Variants in SNTG1 observed in about 807,000 individuals in gnomAD.
SNTG1 encodes the protein gamma-1-syntrophin.
A neutral mutation model predicts 74.7 loss-of-function variants in SNTG1; 39 were observed. The ratio of observed to expected loss-of-function variants is 0.52; its 90% CI spans 0.40 to 0.68. The LOEUF (loss-of-function observed/expected upper bound fraction) is 0.68, where lower values mean the gene tolerates loss of function less well. SNTG1 is among the 30% of genes least tolerant of loss of function. The pLI is 0.00. For synonymous variants in SNTG1, 254 were observed against 217.1 expected, an observed-to-expected ratio of 1.17 and a Z score of -1.49; for missense variants, 685 against 609.5, an observed-to-expected ratio of 1.12 and a Z score of -1.30.
At chr8:50,482,340 C>T (rs1380699824) in intron 8 of SNTG1, among the ~76,000 whole-genome samples, 1 of 152,222 alleles carries the variant, frequency 6.6e-6, no homozygotes, top group Non-Finnish European at 1.5e-5. Flanking sequence ...GCATGTGGGG[C>T]TTCCTTTCTA....
intron 15 of SNTG1, among the ~76,000 whole-genome samples, chr8:50,681,518 C>T (rs1246055859): frequency 3.3e-5 from 5 of 152,034 alleles, no homozygotes; most frequent in African/African-American, 1.2e-4. Flanking sequence ...AGTTCTTATA[C>T]ATAATACATA....
chr8:50,101,641 C>T (rs950785704), intron 1 of SNTG1, among the ~76,000 whole-genome samples: 6 of 151,972 alleles, frequency 3.9e-5, no homozygotes, highest in South Asian at 4.2e-4. Flanking sequence ...ATGTGCCATG[C>T]TGGTGTGCTG....
chr8:49,982,000 G>T (rs1222126537), intron 1 of SNTG1, among the ~76,000 whole-genome samples: 1 of 151,780 alleles, frequency 6.6e-6, no homozygotes, highest in Non-Finnish European at 1.5e-5. Flanking sequence ...ATAACTAATA[G>T]ATAATAAAAT....
At chr8:50,367,597 A>G (rs113931327) in intron 2 of SNTG1, among the ~76,000 whole-genome samples, 1 of 152,192 alleles carries the variant, frequency 6.6e-6, no homozygotes, top group African/African-American at 2.4e-5. Flanking sequence ...ACAACTGATT[A>G]TACTAATGTA....
intron 2 of SNTG1, among the ~76,000 whole-genome samples, chr8:50,247,266 G>T (rs2086443007): frequency 6.6e-6 from 1 of 152,014 alleles, no homozygotes; most frequent in African/African-American, 2.4e-5. Flanking sequence ...TTTCTTTGGG[G>T]CATTGTCCCC....
intron 2 of SNTG1, among the ~76,000 whole-genome samples, chr8:50,321,999 T>G (rs2090551254): frequency 6.6e-6 from 1 of 152,180 alleles, no homozygotes; most frequent in Non-Finnish European, 1.5e-5. Context: ...TAATATTCTT[T>G]ATTTTCTGTG....
chr8:50,101,559 T>C (rs902860207), intron 1 of SNTG1, among the ~76,000 whole-genome samples: 1 of 152,000 alleles, frequency 6.6e-6, no homozygotes, highest in African/African-American at 2.4e-5. Context: ...TATTTTATTT[T>C]ATTTTATTAT....
At chr8:49,997,986 A>T (rs1563449796) in intron 1 of SNTG1, among the ~76,000 whole-genome samples, 1 of 152,162 alleles carries the variant, frequency 6.6e-6, no homozygotes, top group Non-Finnish European at 1.5e-5. Context: ...ATAATAGAGG[A>T]TACTTATACA....
rs147865966 is a variant in SNTG1, at chr8:50,196,146, T to G, written c.-28+23511T>G. ...TGGAATTGTCCCAGGAAATCACTGT[T>G]GTATAAAGTCTAATGATTCTCTATC... On this transcript the variant is annotated intron_variant, in intron 2 of 18. Coordinates refer to ENST00000642720, the MANE Select transcript of SNTG1 (RefSeq NM_018967.5). Among the ~76,000 whole-genome samples, 583 of 152,314 alleles carry G rather than the reference T, an allele frequency of 3.8e-3. 6 individuals are homozygous for G. Among genetic ancestry groups the G allele is most frequent in the African/African-American group, 0.013 (553 of 41,558 alleles).
At chr8:50,463,349 G>A (rs181176356) in intron 8 of SNTG1, among the ~76,000 whole-genome samples, 9 of 152,140 alleles carry the variant, frequency 5.9e-5, no homozygotes, top group Admixed American at 2.0e-4. Flanking sequence ...CAGATCCCTC[G>A]TAGGAATCAC....
At chr8:50,699,836 A>G (rs1455128755) in intron 15 of SNTG1, among the ~76,000 whole-genome samples, 1 of 150,438 alleles carries the variant, frequency 6.6e-6, no homozygotes, top group Non-Finnish European at 1.5e-5. Flanking sequence ...ATTTTATTGA[A>G]TCAATACTGA....
intron 17 of SNTG1, among the ~76,000 whole-genome samples, chr8:50,720,569 A>G (rs1445696939): frequency 6.6e-6 from 1 of 152,214 alleles, no homozygotes; most frequent in Non-Finnish European, 1.5e-5. Context: ...AAGTCTAAGC[A>G]TTATGAGGGC....
At chr8:50,099,913 T>A (rs2080061450) in intron 1 of SNTG1, among the ~76,000 whole-genome samples, 3 of 152,130 alleles carry the variant, frequency 2.0e-5, no homozygotes, top group Admixed American at 6.6e-5. Context: ...TTGCAAATAT[T>A]TTCTCCCATT....
At chr8:50,003,414 C>T (rs965754523) in intron 1 of SNTG1, among the ~76,000 whole-genome samples, 1 of 152,108 alleles carries the variant, frequency 6.6e-6, no homozygotes, top group African/African-American at 2.4e-5. Context: ...AAAACAGATG[C>T]TTTAGAAAAA....
chr8:50,653,203 A>G (rs1032139287), intron 13 of SNTG1, among the ~76,000 whole-genome samples: 2 of 151,992 alleles, frequency 1.3e-5, no homozygotes, highest in Non-Finnish European at 2.9e-5. Context: ...CAGCACTTTA[A>G]AAGTCCTAGA....
At chr8:50,496,981 G>GAA (rs34727478) in intron 8 of SNTG1, among the ~76,000 whole-genome samples, 90,398 of 147,076 alleles carry the variant, frequency 0.61, 30,114 homozygotes, top group East Asian at 0.76. Flanking sequence ...AAGAAAAATT[G>GAA]AAAAAAAAAA....
chr8:50,429,940 C>A (rs2131515930), intron 4 of SNTG1, among the ~76,000 whole-genome samples: 1 of 152,102 alleles, frequency 6.6e-6, no homozygotes, highest in East Asian at 1.9e-4. Context: ...TGGCTATAAT[C>A]ACAAAGATAG....
intron 2 of SNTG1, among the ~76,000 whole-genome samples, chr8:50,320,408 CAT>C (rs985040159): frequency 6.6e-5 from 10 of 151,752 alleles, no homozygotes; most frequent in South Asian, 2.1e-4. Context: ...CTCTTTTTTT[CAT>C]AGTTAGTCTG....
intron 2 of SNTG1, among the ~76,000 whole-genome samples, chr8:50,198,195 G>GA (rs1261671104): frequency 6.6e-6 from 1 of 152,092 alleles, no homozygotes; most frequent in East Asian, 1.9e-4. Context: ...TTTAGACTCA[G>GA]AAAAAAACAG....
Sources: allele counts gnomAD v4.1 joint callset (sites outside exome capture counted in the v4.1 genomes callset), GRCh38; gene constraint gnomAD v4.1.1; transcripts MANE v1.5; gene names NCBI Gene and HGNC (gene_info 2026-07-23, HGNC 2026-07-21).